The following OVOL1 variants were observed in gnomAD, a reference collection of about 807,000 sequenced individuals.
OVOL1 encodes the protein ovo like transcriptional repressor 1.
Under a neutral mutation model 21.5 loss-of-function variants are expected in OVOL1, and 10 were observed. That is an observed-to-expected ratio of 0.46 (90% CI 0.29 to 0.79). The LOEUF is 0.79. Ranked by LOEUF, OVOL1 falls within the 30% of genes least tolerant of loss-of-function variation. The pLI is 0.10. For missense variants in OVOL1, 279 were observed against 362.3 expected (o/e 0.77, Z 1.87); for synonymous variants, 129 against 150.3 (o/e 0.86, Z 1.03).
intron 1 of OVOL1, among the ~76,000 whole-genome samples, 186 bp downstream of exon 1, chr11:65,787,659 G>A (rs1278738750): frequency 2.0e-5 from 3 of 151,836 alleles, no homozygotes; most frequent in Admixed American, 2.0e-4. Context: ...GCGGGGGCGG[G>A]GCCGGCGGAA....
chr11:65,791,132 C>T (rs773374115), intron 1 of OVOL1, among the ~76,000 whole-genome samples: 1 of 152,242 alleles, frequency 6.6e-6, no homozygotes, highest in South Asian at 2.1e-4. Flanking sequence ...GGAAAATACA[C>T]TGTCTGAGGC....
chr11:65,796,458 T>A lies in OVOL1; in HGVS notation c.*1117T>A, dbSNP rs974873781. ...TCCACTACCTGAAGCACTAGGACAC[T>A]CTTGCAGGGCCAGGCTGGAAGACCG... On this transcript the variant is annotated 3_prime_UTR_variant, in exon 4 of 4. Transcript: ENST00000335987. 2.0e-5 allele frequency: 3 copies of A among 152,284 alleles called. No homozygotes were observed. Among genetic ancestry groups the A allele is most frequent in the East Asian group, 3.9e-4 (2 of 5,184 alleles). 9.4% of individuals were successfully genotyped at this position (152,284 alleles called of 1,614,324 possible).
intron 2 of OVOL1, 105 bp from the exon 3 acceptor site, chr11:65,794,433 C>A: frequency 8.2e-7 from 1 of 1,214,314 alleles, no homozygotes; most frequent in Non-Finnish European, 1.2e-6. Flanking sequence ...AGGTGGGCAC[C>A]ACCCTCCTCA....
chr11:65,795,858 G>A lies in OVOL1; in HGVS notation c.*517G>A. The A allele has an allele frequency of 5.3e-6, 1 of 187,178 alleles. No individual in the cohort carries two copies. Among genetic ancestry groups the A allele is most frequent in the Non-Finnish European group, 1.1e-5 (1 of 87,630 alleles). 11.6% of individuals were successfully genotyped at this position (187,178 alleles called of 1,614,324 possible). ...AGGGCTTCTAATGCTCAGGGTTCTG[G>A]AGGGCTCTGTCCTTCCGGCAAGGAG... On this transcript the variant is annotated 3_prime_UTR_variant, in exon 4 of 4. Coordinates refer to ENST00000335987, the MANE Select transcript of OVOL1 (RefSeq NM_004561.4). This position sits in a 1 kb window ranked among gnomAD's most constrained non-coding sequence, Gnocchi z 5.7.
Position 65,794,156 on chromosome 11 carries a change from C to G in OVOL1, c.226C>G (p.Pro76Ala), listed in dbSNP as rs1464399129. 1 of 1,613,694 alleles carries G rather than the reference C, an allele frequency of 6.2e-7. No homozygotes were observed. The highest frequency in any genetic ancestry group is 1.7e-5 in the Admixed American group (1 of 60,010). ...CTCTAGCTACAGCATGGCCCCCGGG[C>G]CCTGTGTGGTGGCCCAGCTGCCCTC... ...RDSSYSMAPGPCVVAQLPSED... is the reference protein window; with the variant it reads ...RDSSYSMAPGACVVAQLPSED... Residue 76 changes from proline (P) to alanine (A), a missense_variant, in exon 2 of 4, where the codon CCC becomes GCC. Transcript: ENST00000335987.
intron 1 of OVOL1, chr11:65,788,390 A>C (rs897857593): frequency 3.9e-5 from 37 of 948,564 alleles, no homozygotes; most frequent in Non-Finnish European, 4.4e-5. Flanking sequence ...GGTCTGGAGA[A>C]AGCCTGCTTC....
intron 1 of OVOL1, among the ~76,000 whole-genome samples, chr11:65,792,953 C>G (rs1565230485): frequency 6.6e-6 from 1 of 152,264 alleles, no homozygotes; most frequent in South Asian, 2.1e-4. Context: ...CAGGGCCGTG[C>G]TCCTGCTTCT....
chr11:65,787,212 C>A lies in OVOL1; in HGVS notation c.-162C>A. On this transcript the variant is annotated 5_prime_UTR_variant, in exon 1 of 4. Transcript: ENST00000335987. ...ACATTCCGCGGAGGTGGAACCGCCG[C>A]GCGCCGTCCGGGCTCGGACCTTCCC... 2.0e-6 allele frequency: 1 copy of A among 505,954 alleles called. No homozygotes were observed. Among genetic ancestry groups the A allele is most frequent in the South Asian group, 2.1e-5 (1 of 47,998 alleles). 31.3% of individuals were successfully genotyped at this position (505,954 alleles called of 1,614,324 possible). A position where few individuals can be genotyped will look rare whatever the true frequency, so the allele number is the denominator to read the frequency against.
rs771448869 is a variant in OVOL1, at chr11:65,794,060, T to G, written c.130T>G (p.Tyr44Asp). The change falls in exon 2 of 4, where the codon TAC becomes GAC. Residue 44 changes from tyrosine to aspartate, a missense_variant. Physicochemically the swap from Tyr to Asp is radical, Grantham distance 160. Transcript: ENST00000335987. ...CCTGGGCTTCTGCCCACCACAGCCC[T>G]ACCGGGAGCCGGAACCCTCTGTGGC... ...VSLGFCPPQP[Y>D]REPEPSVAEP... 2.5e-6 allele frequency: 4 copies of G among 1,613,882 alleles called. No homozygotes were observed. Among genetic ancestry groups the G allele is most frequent in the Non-Finnish European group, 3.4e-6 (4 of 1,180,002 alleles).
chr11:65,789,945 C>G (rs1327268034), intron 1 of OVOL1: 1 of 152,452 alleles, frequency 6.6e-6, no homozygotes, highest in African/African-American at 2.4e-5. Flanking sequence ...ACTCCCGGGG[C>G]AGAATCTTTC....
intron 1 of OVOL1, among the ~76,000 whole-genome samples, chr11:65,791,657 C>G (rs751181920): frequency 1.3e-4 from 20 of 152,238 alleles, no homozygotes; most frequent in Non-Finnish European, 2.4e-4. Context: ...TGCCTCTGCT[C>G]TGAGCCTGGC....
chr11:65,787,856 G>A (rs1857934801), intron 1 of OVOL1, among the ~76,000 whole-genome samples: 1 of 152,236 alleles, frequency 6.6e-6, no homozygotes, highest in Admixed American at 6.5e-5. Context: ...TGAGGCGGGA[G>A]AAGGCACTGG....
chr11:65,795,467 C>A lies in OVOL1; in HGVS notation c.*126C>A. ...CACCAGTGATCAGGACTGGAGCCCC[C>A]GTGCCTTGGTCTCCCCCCTGGGCAC... On this transcript the variant is annotated 3_prime_UTR_variant, in exon 4 of 4. Coordinates refer to ENST00000335987, the MANE Select transcript of OVOL1 (RefSeq NM_004561.4). The surrounding 1 kb of genome is among the most constrained non-coding windows in gnomAD (Gnocchi z 5.7). 1.1e-6 allele frequency: 1 copy of A among 882,810 alleles called. No homozygotes were observed. Among genetic ancestry groups the A allele is most frequent in the Non-Finnish European group, 1.7e-6 (1 of 580,904 alleles). 54.7% of individuals were successfully genotyped at this position (882,810 alleles called of 1,614,324 possible). A position where few individuals can be genotyped will look rare whatever the true frequency, so the allele number is the denominator to read the frequency against.
chr11:65,788,444 C>G, intron 1 of OVOL1: 2 of 983,978 alleles, frequency 2.0e-6, no homozygotes, highest in Non-Finnish European at 2.4e-6. Flanking sequence ...GGGGCGTGGA[C>G]GCTCTGAACG....
At chr11:65,787,525 T>C in intron 1 of OVOL1, 52 bp downstream of exon 1, 1 of 1,086,532 alleles carries the variant, frequency 9.2e-7, no homozygotes, top group Non-Finnish European at 1.2e-6. Context: ...GCGTCGAGGC[T>C]GCGGGCGGGC....
intron 1 of OVOL1, chr11:65,788,356 T>TC (rs537804406): frequency 2.0e-6 from 1 of 507,700 alleles, no homozygotes. Flanking sequence ...CCTTCTGTCC[T>TC]CCCCCACCCC....
At chr11:65,790,838 C>T (rs2277304) in intron 1 of OVOL1, 22,284 of 152,358 alleles carry the variant, frequency 0.15, 2,033 homozygotes, top group Non-Finnish European at 0.21. Flanking sequence ...GGAAACCTGG[C>T]AGATGATTTG....
rs563721260 is a variant in OVOL1 at position 65,787,608 on chromosome 11, G to C, written c.100+135G>C. ...CCGGGGCTGAATGCGGCCGCGGCCT[G>C]GGCTGGGTGGGCCCGCGGCTCTCGA... is the stretch of plus-strand genomic sequence containing the variant. On this transcript the variant is annotated intron_variant, in intron 1 of 3. Transcript: ENST00000335987. 46 of 213,750 alleles carry C rather than the reference G, an allele frequency of 2.2e-4. No individual in the cohort carries two copies. The East Asian group carries it at 7.2e-3, about 33-fold the overall frequency. The allele number at this position is 213,750 out of a possible 1,614,324, so 13.2% of individuals were successfully genotyped here. A position where few individuals can be genotyped will look rare whatever the true frequency, so the allele number is the denominator to read the frequency against.
At chr11:65,793,506 C>CA (rs1858065257) in intron 1 of OVOL1, among the ~76,000 whole-genome samples, 1 of 152,192 alleles carries the variant, frequency 6.6e-6, no homozygotes, top group African/African-American at 2.4e-5. Flanking sequence ...TGGGGTGCAA[C>CA]AGCAGGGACC....
Sources: allele counts gnomAD v4.1 joint callset (sites outside exome capture counted in the v4.1 genomes callset), GRCh38; gene constraint gnomAD v4.1.1; non-coding constraint Gnocchi (gnomAD v3.1); transcripts MANE v1.5; gene names NCBI Gene and HGNC (gene_info 2026-07-23, HGNC 2026-07-21).